MYL2: variants seen among roughly 807,000 people sequenced by gnomAD.
MYL2 encodes the protein myosin regulatory light chain 2, ventricular/cardiac muscle isoform.
In MYL2, 19 loss-of-function variants were observed where a neutral mutation model predicts 23.0. The ratio of observed to expected loss-of-function variants is 0.83; its 90% confidence interval spans 0.58 to 1.21. MYL2 has a LOEUF of 1.21. Among genes scored for constraint, MYL2 ranks in the 50% most tolerant of loss-of-function variants. The probability of loss-of-function intolerance (pLI) is 0.00; values close to 1 mark genes in which losing one functional copy is unlikely to be tolerated. For synonymous variants in MYL2, 78 were observed against 76.2 expected (o/e 1.02, Z -0.13); for missense variants, 180 against 215.1 (o/e 0.84, Z 1.02).
chr12:110,916,710 G>A lies in MYL2; in HGVS notation c.94-920C>T, dbSNP rs567860486. On this transcript the variant is annotated intron_variant, in intron 2 of 6. Coordinates refer to ENST00000228841, the MANE Select transcript of MYL2 (RefSeq NM_000432.4). The stretch of plus-strand genomic sequence containing the variant: ...TGCTAATGGGTATGGGGTTTCTTTC[G>A]GGGGTGATGGAAATATTCTGAAATT... Among the ~76,000 whole-genome samples the A allele has an allele frequency of 2.1e-4, 32 of 152,250 alleles. 1 individual carries two copies. The South Asian group carries it at 6.2e-3, about 30-fold the overall frequency.
chr12:110,916,839 CTATTTATTTATT>C (rs199753906), intron 2 of MYL2, among the ~76,000 whole-genome samples: 22 of 151,686 alleles, frequency 1.5e-4, no homozygotes, highest in Non-Finnish European at 2.6e-4. Context: ...CTCTATAAAG[CTATTTATTTATT>C]TATTTATTTA....
At chr12:110,917,570 T>A (rs2071695439) in intron 2 of MYL2, among the ~76,000 whole-genome samples, 1 of 152,162 alleles carries the variant, frequency 6.6e-6, no homozygotes, top group Non-Finnish European at 1.5e-5. Flanking sequence ...TTGCATCCCT[T>A]ACCCACACCG....
intron 3 of MYL2, among the ~76,000 whole-genome samples, chr12:110,914,554 T>C (rs911314895): frequency 1.1e-4 from 16 of 152,184 alleles, no homozygotes; most frequent in African/African-American, 3.9e-4. Flanking sequence ...GGTCTGGCTG[T>C]GTCACCCAGG....
chr12:110,921,234 GC>G (rs1476529750), upstream of MYL2, among the ~76,000 whole-genome samples: 2 of 152,178 alleles, frequency 1.3e-5, no homozygotes, highest in Non-Finnish European at 2.9e-5. Flanking sequence ...GGTGGTGCAT[GC>G]CTATAGTCTC....
intron 6 of MYL2, 76 bp downstream of exon 6, chr12:110,913,020 C>T (rs553371572): frequency 1.7e-4 from 256 of 1,527,724 alleles, no homozygotes; most frequent in Middle Eastern, 6.8e-4. Context: ...GTGCTTTAGA[C>T]GAGAGGGGAG....
At chr12:110,916,863 T>G (rs1386652550) in intron 2 of MYL2, among the ~76,000 whole-genome samples, 1 of 152,024 alleles carries the variant, frequency 6.6e-6, no homozygotes, top group Non-Finnish European at 1.5e-5. Context: ...ATTTATTTAT[T>G]TTTGAGAAAG....
At chr12:110,920,361 A>C (rs1166868932) in intron 1 of MYL2, among the ~76,000 whole-genome samples, 166 bp downstream of exon 1, 1 of 151,810 alleles carries the variant, frequency 6.6e-6, no homozygotes. Flanking sequence ...CTATCGGGGC[A>C]TTGATTGGGG....
At position 110,919,050 on chromosome 12, in the gene MYL2, C is replaced by T. The variant is rs550302003; in HGVS notation, c.93+54G>A. The T allele has an allele frequency of 2.1e-5, 32 of 1,531,520 alleles. No homozygotes were observed. The South Asian group carries it at 3.5e-4, about 17-fold the overall frequency. The allele number at this position is 1,531,520 out of a possible 1,614,324, so 94.9% of individuals were successfully genotyped here. A position where few individuals can be genotyped will look rare whatever the true frequency, so the allele number is the denominator to read the frequency against. On this transcript the variant is annotated intron_variant, in intron 2 of 6. Coordinates refer to ENST00000228841, the MANE Select transcript of MYL2 (RefSeq NM_000432.4). ...GGGAATATGGAACAAAAAGAAGGTT[C>T]TCCCTCGTGGGTGGGATTTCCATCC...
Position 110,918,708 on chromosome 12 carries a change from A to G in MYL2, c.93+396T>C, listed in dbSNP as rs1438723787. 2.4e-5 allele frequency: 4 copies of G among 168,312 alleles called. No individual in the cohort carries two copies. Among genetic ancestry groups the G allele is most frequent in the Non-Finnish European group, 1.3e-5 (1 of 77,848 alleles). 10.4% of individuals were successfully genotyped at this position (168,312 alleles called of 1,614,324 possible). A position where few individuals can be genotyped will look rare whatever the true frequency, so the allele number is the denominator to read the frequency against. On this transcript the variant is annotated intron_variant, in intron 2 of 6. Coordinates refer to ENST00000228841, the MANE Select transcript of MYL2 (RefSeq NM_000432.4). The surrounding 1 kb of genome is among the most constrained non-coding windows in gnomAD (Gnocchi z 4.4). ...GTTAATGGTGAATTTCTCAACGAAA[A>G]AAATGCAGGTGTAATCAGTGGGCAC...
At chr12:110,919,060 G>A (rs1368082898) in intron 2 of MYL2, 44 bp downstream of exon 2, 1 of 1,570,862 alleles carries the variant, frequency 6.4e-7, no homozygotes, top group Non-Finnish European at 8.8e-7. Flanking sequence ...CTCCCTCGTG[G>A]GTGGGATTTC....
At position 110,913,386 on chromosome 12, in the gene MYL2, C is replaced by T. The variant is rs553884457; in HGVS notation, c.275-62G>A. Reference sequence around the variant, plus strand: ...GGCTGGGAACCACTGGCACCCCAGGCAGCAGGGCCCAAGTTCCCCCAGAGA... The same window carrying T: ...GGCTGGGAACCACTGGCACCCCAGGTAGCAGGGCCCAAGTTCCCCCAGAGA... On this transcript the variant is annotated intron_variant, in intron 4 of 6. Coordinates refer to ENST00000228841, the MANE Select transcript of MYL2 (RefSeq NM_000432.4). 4.5e-6 allele frequency: 7 copies of T among 1,563,208 alleles called. No individual in the cohort carries two copies. In the African/African-American group the frequency reaches 8.1e-5, roughly 18 times the overall value.
rs2071702164 is a variant in MYL2, at chr12:110,918,852, T to C, written c.93+252A>G. 2 of 509,808 alleles carry C rather than the reference T, an allele frequency of 3.9e-6. No homozygotes were observed. The highest frequency in any genetic ancestry group is 7.0e-6 in the Non-Finnish European group (2 of 284,372). 31.6% of individuals were successfully genotyped at this position (509,808 alleles called of 1,614,324 possible). ...AATAGAATTGTAGGTAGTTTTTATT[T>C]CCTTTTCTGTGCTTTTCTGAAAAAT... On this transcript the variant is annotated intron_variant, in intron 2 of 6. Transcript: ENST00000228841. This position sits in a 1 kb window ranked among gnomAD's most constrained non-coding sequence, Gnocchi z 4.4.
At chr12:110,920,984 C>T (rs1167310742), upstream of MYL2, among the ~76,000 whole-genome samples, 4 of 152,232 alleles carry the variant, frequency 2.6e-5, no homozygotes, top group Admixed American at 6.5e-5. Flanking sequence ...AGTCATCGCA[C>T]GGCTCCTTCC....
Position 110,911,419 on chromosome 12 carries a change from A to G in MYL2, c.403-244T>C, listed in dbSNP as rs12231049. On this transcript the variant is annotated intron_variant, in intron 6 of 6. Coordinates refer to ENST00000228841, the MANE Select transcript of MYL2 (RefSeq NM_000432.4). The stretch of plus-strand genomic sequence containing the variant: ...GGGATTGGTGTGGGGGTATAAAGGC[A>G]CGGCCATCTCGCCCAACTTGGTACC... 0.14 allele frequency among the ~76,000 whole-genome samples: 21,042 copies of G among 152,194 alleles called. 1,954 individuals are homozygous for G. The highest frequency in any genetic ancestry group is 0.26 in the African/African-American group (10,696 of 41,488).
chr12:110,920,804 A>G (rs1221131078), upstream of MYL2: 7 of 586,488 alleles, frequency 1.2e-5, no homozygotes, highest in Non-Finnish European at 2.1e-5. Context: ...TCACGGGGAG[A>G]GATGCTGCGC....
Position 110,918,490 on chromosome 12 carries a change from C to G in MYL2, c.93+614G>C, listed in dbSNP as rs779218980. Among the ~76,000 whole-genome samples, 1 of 152,164 alleles carries G rather than the reference C, an allele frequency of 6.6e-6. No individual in the cohort carries two copies. The highest frequency in any genetic ancestry group is 1.5e-5 in the Non-Finnish European group (1 of 68,034). On this transcript the variant is annotated intron_variant, in intron 2 of 6. Transcript: ENST00000228841. The surrounding 1 kb of genome is among the most constrained non-coding windows in gnomAD (Gnocchi z 4.4). ...GATTTTGGGGGGCAATTCGGACCAG[C>G]AGTTCTGCCTGTTTTTAGTTCTTTT...
rs1177936172 is a variant in MYL2, at chr12:110,914,271, AT to A, written c.188del (p.Asn63MetfsTer7). 4.3e-6 allele frequency: 7 copies of A among 1,613,754 alleles called. No individual in the cohort carries two copies. Among genetic ancestry groups the A allele is most frequent in the Non-Finnish European group, 5.1e-6 (6 of 1,179,936 alleles). On this transcript the variant is annotated frameshift_variant, in exon 4 of 7. Transcript: ENST00000228841. LOFTEE classifies it high-confidence loss of function. ...CCTTGATCATTTCATCAATTTCTTC[AT>A]TTTTCACGTTCACTCGCCCTAGGGT... ...FAALGRVNVKNEEIDEMIKEA... is the reference protein window; with the variant it reads ...FAALGRVNVKXEEIDEMIKEA...
Position 110,910,952 on chromosome 12 carries a change from T to C in MYL2, c.*125A>G, listed in dbSNP as rs1592798278. ...ACCCAGGCTGCAAAGAAGATGGAGGTGGATAAATGGGGCAGCCACATGGCT... is the reference window on the plus strand; with the variant it reads ...ACCCAGGCTGCAAAGAAGATGGAGGCGGATAAATGGGGCAGCCACATGGCT... On this transcript the variant is annotated 3_prime_UTR_variant, in exon 7 of 7. Coordinates refer to ENST00000228841, the MANE Select transcript of MYL2 (RefSeq NM_000432.4). 1 of 879,854 alleles carries C rather than the reference T, an allele frequency of 1.1e-6. No homozygotes were observed. Among genetic ancestry groups the C allele is most frequent in the Admixed American group, 1.8e-5 (1 of 54,464 alleles). The allele number at this position is 879,854 out of a possible 1,614,324, so 54.5% of individuals were successfully genotyped here.
At chr12:110,919,502 G>T (rs1324547792) in intron 1 of MYL2, among the ~76,000 whole-genome samples, 1 of 152,164 alleles carries the variant, frequency 6.6e-6, no homozygotes, top group Non-Finnish European at 1.5e-5. Context: ...CCTTCAGATC[G>T]CCCCTGCAGG....
Sources: allele counts gnomAD v4.1 joint callset (sites outside exome capture counted in the v4.1 genomes callset), GRCh38; gene constraint gnomAD v4.1.1; non-coding constraint Gnocchi (gnomAD v3.1); transcripts MANE v1.5; gene names NCBI Gene and HGNC (gene_info 2026-07-23, HGNC 2026-07-21).